SPIRE2: variants seen among roughly 807,000 people sequenced by gnomAD.
The protein encoded by SPIRE2 is protein spire homolog 2.
Under a neutral mutation model 80.7 loss-of-function variants are expected in SPIRE2, and 76 were observed. That is an observed-to-expected ratio of 0.94 (90% CI 0.78 to 1.14). The LOEUF is 1.14. Among genes scored for constraint, SPIRE2 ranks in the 50% most tolerant of loss-of-function variants. The pLI, the probability that SPIRE2 is intolerant of heterozygous loss-of-function variation, is 0.00. For missense variants in SPIRE2, 1,196 were observed against 1,015.3 expected (o/e 1.18, Z -2.42); for synonymous variants, 535 against 432.6 (o/e 1.24, Z -2.94).
intron 2 of SPIRE2, 21 bp downstream of exon 2, chr16:89,845,386 A>C: frequency 6.2e-7 from 1 of 1,603,100 alleles, no homozygotes; most frequent in Non-Finnish European, 8.5e-7. Flanking sequence ...AAAAATTCCA[A>C]GTATTACTTG....
chr16:89,854,590 C>T lies in SPIRE2; in HGVS notation c.830C>T (p.Thr277Met), dbSNP rs763864136. ...CCCCTCCCCACCGAGTTCCAGCTCA[C>T]GCCCTTCGAGATGCTGATGCAGGAC... ...FNPLPTEFQL[T>M]PFEMLMQDIR... Residue 277 changes from threonine to methionine, a missense_variant, in exon 5 of 15, where the codon ACG (threonine) becomes ATG (methionine). Thr to Met is a moderately conservative substitution (Grantham distance 81). Transcript: ENST00000378247. The T allele has an allele frequency of 1.2e-5, 20 of 1,608,272 alleles. No homozygotes were observed. The highest frequency in any genetic ancestry group is 2.2e-5 in the South Asian group (2 of 91,012).
At position 89,850,492 on chromosome 16, in the gene SPIRE2, G is replaced by A. The variant is rs1271483711; in HGVS notation, c.477G>A (p.Glu159=). ...YGGPEEEEEA[E]GVPRSVRTFA... Reference sequence around the variant, plus strand: ...GTCCCGAGGAGGAGGAGGAGGCCGAGGGCGTCCCCCGCAGCGTGCGCACCT... The same window carrying A: ...GTCCCGAGGAGGAGGAGGAGGCCGAAGGCGTCCCCCGCAGCGTGCGCACCT... The change falls in exon 3 of 15, where the codon GAG becomes GAA. Residue 159 remains glutamate, a synonymous_variant. Transcript: ENST00000378247. 9.1e-6 allele frequency: 14 copies of A among 1,532,300 alleles called. No homozygotes were observed. Among genetic ancestry groups the A allele is most frequent in the Admixed American group, 5.9e-5 (3 of 50,944 alleles). 94.9% of individuals were successfully genotyped at this position (1,532,300 alleles called of 1,614,324 possible). A position where few individuals can be genotyped will look rare whatever the true frequency, so the allele number is the denominator to read the frequency against.
At chr16:89,855,514 G>A in intron 5 of SPIRE2, 86 bp from the exon 6 acceptor site, 2 of 1,228,558 alleles carry the variant, frequency 1.6e-6, no homozygotes, top group Middle Eastern at 1.9e-4. Flanking sequence ...AGACCAGGCT[G>A]TCCTTGGGCT....
intron 1 of SPIRE2, among the ~76,000 whole-genome samples, chr16:89,835,808 A>G (rs1296999809): frequency 1.3e-5 from 2 of 152,164 alleles, no homozygotes; most frequent in African/African-American, 4.8e-5. Flanking sequence ...TCCTCATTCC[A>G]AAGACCCCTT....
chr16:89,853,833 C>T (rs1258179348), intron 3 of SPIRE2, among the ~76,000 whole-genome samples: 1 of 152,242 alleles, frequency 6.6e-6, no homozygotes, highest in Non-Finnish European at 1.5e-5. Context: ...ATACCCATGT[C>T]TGTTTCCCTG....
chr16:89,840,766 G>C (rs1186388402), intron 1 of SPIRE2, among the ~76,000 whole-genome samples: 2 of 148,904 alleles, frequency 1.3e-5, no homozygotes, highest in Admixed American at 6.7e-5. Flanking sequence ...CTCCCGAGTA[G>C]CTGGGACTAC....
At position 89,844,117 on chromosome 16, in the gene SPIRE2, G is replaced by A. The variant is rs867201332; in HGVS notation, c.245-1205G>A. ...CTCAAGAGGTCCTCCCGAGTAGCAG[G>A]ACTACAGGCACCTGCCACCACGCCT... On this transcript the variant is annotated intron_variant, in intron 1 of 14. Transcript: ENST00000378247. 2.7e-5 allele frequency among the ~76,000 whole-genome samples: 4 copies of A among 150,914 alleles called. No individual in the cohort carries two copies. The South Asian group carries it at 6.3e-4, about 24-fold the overall frequency.
chr16:89,853,229 T>A (rs1388522763), intron 3 of SPIRE2, among the ~76,000 whole-genome samples: 3 of 152,188 alleles, frequency 2.0e-5, no homozygotes, highest in African/African-American at 7.2e-5. Flanking sequence ...TCTCAAACTC[T>A]TGGGCTCAAG....
chr16:89,836,345 C>T (rs922103682), intron 1 of SPIRE2: 14 of 421,646 alleles, frequency 3.3e-5, no homozygotes, highest in South Asian at 8.1e-5. Flanking sequence ...CTTTAGGGGC[C>T]GTGATTCTGC....
chr16:89,868,537 G>A (rs1208532725), intron 13 of SPIRE2, among the ~76,000 whole-genome samples: 1 of 152,146 alleles, frequency 6.6e-6, no homozygotes, highest in African/African-American at 2.4e-5. Context: ...GTGCTTATGT[G>A]CAGGTGCACA....
At position 89,850,577 on chromosome 16, in the gene SPIRE2, C is replaced by T; in HGVS notation, c.562C>T (p.His188Tyr). Residue 188 changes from histidine to tyrosine, a missense_variant, in exon 3 of 15, where the codon CAT (histidine) becomes TAT (tyrosine). His to Tyr is a moderately conservative substitution (Grantham distance 83). Transcript: ENST00000378247. Reference protein sequence around the residue: ...RLTDPRGAQAHYQAVCRALFV... With the variant: ...RLTDPRGAQAYYQAVCRALFV... ...GACCGACCCCCGGGGCGCACAGGCG[C>T]ATTACCAGGCCGTGTGCCGCGCGCT... The T allele has an allele frequency of 6.6e-7, 1 of 1,517,450 alleles. No homozygotes were observed. The highest frequency in any genetic ancestry group is 1.8e-4 in the Middle Eastern group (1 of 5,592). The allele number at this position is 1,517,450 out of a possible 1,614,324, so 94.0% of individuals were successfully genotyped here. A position where few individuals can be genotyped will look rare whatever the true frequency, so the allele number is the denominator to read the frequency against.
chr16:89,830,982 T>A (rs950589221), intron 1 of SPIRE2, among the ~76,000 whole-genome samples: 3 of 147,498 alleles, frequency 2.0e-5, no homozygotes, highest in Non-Finnish European at 4.5e-5. Flanking sequence ...CAATCTCTGC[T>A]CACTGCAAGC....
chr16:89,849,429 A>C (rs578053752), intron 2 of SPIRE2, among the ~76,000 whole-genome samples: 47 of 152,382 alleles, frequency 3.1e-4, no homozygotes, highest in African/African-American at 1.1e-3. Context: ...GGCCCGGCAC[A>C]GCATCTGACA....
Position 89,863,660 on chromosome 16 carries a change from CG to C in SPIRE2, c.1710+53del. On this transcript the variant is annotated intron_variant, in intron 11 of 14. Coordinates refer to ENST00000378247, the MANE Select transcript of SPIRE2 (RefSeq NM_032451.2). This position sits in a 1 kb window ranked among gnomAD's most constrained non-coding sequence, Gnocchi z 4.3. ...ACGCTCTTGCCCGCTGGGTCAGGGG[CG>C]GGTGCCGAGAGGGCCAGTTCCCAGG... The C allele has an allele frequency of 6.2e-7, 1 of 1,613,554 alleles. No individual in the cohort carries two copies. The highest frequency in any genetic ancestry group is 8.5e-7 in the Non-Finnish European group (1 of 1,179,776).
chr16:89,842,003 C>T (rs1046518190), intron 1 of SPIRE2, among the ~76,000 whole-genome samples: 11 of 152,188 alleles, frequency 7.2e-5, no homozygotes, highest in Admixed American at 4.6e-4. Flanking sequence ...GCTGGGATTA[C>T]AGGCGTGAGC....
At position 89,830,974 on chromosome 16, in the gene SPIRE2, A is replaced by G. The variant is rs578141524; in HGVS notation, c.244+2180A>G. ...GCCCAGGCTGGAGTGCAGCGGCACAATCTCTGCTCACTGCAAGCTCCACCT... is the reference window on the plus strand; with the variant it reads ...GCCCAGGCTGGAGTGCAGCGGCACAGTCTCTGCTCACTGCAAGCTCCACCT... On this transcript the variant is annotated intron_variant, in intron 1 of 14. Coordinates refer to ENST00000378247, the MANE Select transcript of SPIRE2 (RefSeq NM_032451.2). 1.5e-3 allele frequency among the ~76,000 whole-genome samples: 217 copies of G among 146,038 alleles called. 2 individuals carry two copies. The highest frequency in any genetic ancestry group is 4.7e-3 in the African/African-American group (189 of 39,898).
intron 1 of SPIRE2, among the ~76,000 whole-genome samples, chr16:89,843,668 T>TTTTTTTTTTTGG (rs2041525012): frequency 1.4e-4 from 3 of 21,642 alleles, no homozygotes; most frequent in Non-Finnish European, 2.4e-4. Flanking sequence ...TGCTGCCACG[T>TTTTTTTTTTTGG]TTTTTTTTTT....
intron 9 of SPIRE2, among the ~76,000 whole-genome samples, chr16:89,859,700 GGGAGCCGGC>G (rs2041725163): frequency 6.6e-6 from 1 of 152,174 alleles, no homozygotes; most frequent in Admixed American, 6.5e-5. Context: ...TGTGTCCGTG[GGGAGCCGGC>G]TGGGCTCGCA....
chr16:89,859,387 T>G (rs776039005), intron 9 of SPIRE2, 33 bp downstream of exon 9: 1 of 1,357,294 alleles, frequency 7.4e-7, no homozygotes, highest in South Asian at 1.5e-5. Context: ...GTACCCTCCT[T>G]CGCCCCCACC....
Sources: gnomAD v4.1 joint callset for allele counts (sites outside exome capture counted in the v4.1 genomes callset) on GRCh38, gnomAD v4.1.1 for gene constraint, Gnocchi (gnomAD v3.1) non-coding constraint, MANE v1.5 for transcripts, NCBI Gene and HGNC (gene_info 2026-07-23, HGNC 2026-07-21) for gene names.